The following SLC4A10 variants were observed in gnomAD, a reference collection of about 807,000 sequenced individuals.
SLC4A10 encodes sodium-driven chloride bicarbonate exchanger.
SLC4A10 carries 42 observed loss-of-function variants against 137.7 expected under a neutral mutation model. That is an observed-to-expected ratio of 0.30 (90% CI 0.24 to 0.39). The LOEUF (loss-of-function observed/expected upper bound fraction) is 0.39. Ranked by LOEUF, SLC4A10 falls within the 10% of genes least tolerant of loss-of-function variation. The pLI, the probability that SLC4A10 is intolerant of heterozygous loss-of-function variation, is 1.00. For synonymous variants in SLC4A10, 474 were observed against 464.1 expected, an observed-to-expected ratio of 1.02 and a Z score of -0.27; for missense variants, 925 against 1,355.0, an observed-to-expected ratio of 0.68 and a Z score of 4.98.
chr2:161,660,556 ATTTCTTTC>A (rs574482342), intron 1 of SLC4A10, among the ~76,000 whole-genome samples: 11,505 of 110,060 alleles, frequency 0.1, 584 homozygotes, highest in Admixed American at 0.15. Flanking sequence ...ACTCATCTAT[ATTTCTTTC>A]TTTCTTTCTT....
intron 2 of SLC4A10, among the ~76,000 whole-genome samples, chr2:161,780,104 T>A (rs12692642): frequency 1.3e-5 from 2 of 151,780 alleles, no homozygotes; most frequent in Admixed American, 6.6e-5. Flanking sequence ...ATCCATCATG[T>A]CAGAACAAGA....
At chr2:161,693,237 T>C (rs62189004) in intron 1 of SLC4A10, among the ~76,000 whole-genome samples, 2,711 of 152,220 alleles carry the variant, frequency 0.018, 36 homozygotes, top group Admixed American at 0.028. Flanking sequence ...CTATACAGTT[T>C]GGGTAAACCC....
chr2:161,930,939 A>T (rs4664439), intron 15 of SLC4A10, among the ~76,000 whole-genome samples: 1 of 123,754 alleles, frequency 8.1e-6, no homozygotes, highest in Non-Finnish European at 1.7e-5. Context: ...GTTTTGTTTT[A>T]TTTTGTTTTT....
In SLC4A10 at chr2:161,876,922, A is replaced by G. The variant is rs1660788302; in HGVS notation, c.949-2209A>G. Among the ~76,000 whole-genome samples, 8 of 152,208 alleles carry G rather than the reference A, an allele frequency of 5.3e-5. No individual in the cohort carries two copies. In the South Asian group the frequency reaches 1.7e-3, roughly 32 times the overall value. The stretch of plus-strand genomic sequence containing the variant: ...ACAATGGCTACCCCAGATATGTGCT[A>G]TAGTACTATAACTTATTCCATTTGA... On this transcript the variant is annotated intron_variant, in intron 8 of 26. Transcript: ENST00000446997.
chr2:161,942,043 G>A (rs1412876907), intron 15 of SLC4A10, among the ~76,000 whole-genome samples: 1 of 152,158 alleles, frequency 6.6e-6, no homozygotes, highest in Non-Finnish European at 1.5e-5. Flanking sequence ...GCAGAAGGGA[G>A]ACTGTTGCTT....
At chr2:161,858,396 G>A (rs747715449) in intron 5 of SLC4A10, among the ~76,000 whole-genome samples, 9 of 152,072 alleles carry the variant, frequency 5.9e-5, no homozygotes, top group Non-Finnish European at 1.0e-4. Flanking sequence ...TTTGTATCTG[G>A]CAGATCTGTC....
At chr2:161,846,465 A>C (rs1307013512) in intron 4 of SLC4A10, among the ~76,000 whole-genome samples, 1 of 152,124 alleles carries the variant, frequency 6.6e-6, no homozygotes, top group African/African-American at 2.4e-5. Flanking sequence ...CAGCAATTGG[A>C]CTCTTGGGCA....
chr2:161,748,557 T>A (rs1271953921), intron 1 of SLC4A10, among the ~76,000 whole-genome samples: 1 of 152,030 alleles, frequency 6.6e-6, no homozygotes, highest in Non-Finnish European at 1.5e-5. Flanking sequence ...ACATGGTATC[T>A]TCTTGGTTGC....
chr2:161,648,047 A>G (rs943473834), intron 1 of SLC4A10, among the ~76,000 whole-genome samples: 2 of 152,218 alleles, frequency 1.3e-5, no homozygotes, highest in East Asian at 1.9e-4. Context: ...TCTGTGTTCT[A>G]CATCTGTATG....
intron 1 of SLC4A10, among the ~76,000 whole-genome samples, chr2:161,703,713 G>A (rs2043361362): frequency 6.6e-6 from 1 of 151,652 alleles, no homozygotes; most frequent in African/African-American, 2.4e-5. Flanking sequence ...AATAACTGGA[G>A]TAAAAAGAAG....
chr2:161,903,331 A>G (rs1023761998), intron 12 of SLC4A10, among the ~76,000 whole-genome samples: 1 of 152,214 alleles, frequency 6.6e-6, no homozygotes, highest in African/African-American at 2.4e-5. Flanking sequence ...AATTACATTT[A>G]TCTAGTTTTA....
At chr2:161,723,388 A>G (rs2045900398) in intron 1 of SLC4A10, among the ~76,000 whole-genome samples, 9 of 152,052 alleles carry the variant, frequency 5.9e-5, no homozygotes, top group Admixed American at 5.9e-4. Context: ...GTCAGTCTCA[A>G]TAGGGGAGCC....
intron 19 of SLC4A10, among the ~76,000 whole-genome samples, chr2:161,954,870 A>G (rs1425770921): frequency 6.6e-6 from 1 of 152,238 alleles, no homozygotes; most frequent in East Asian, 1.9e-4. Flanking sequence ...TTTTTAAAAC[A>G]TTCAATAAGA....
chr2:161,712,449 T>C (rs527516692), intron 1 of SLC4A10, among the ~76,000 whole-genome samples: 4 of 151,904 alleles, frequency 2.6e-5, no homozygotes, highest in South Asian at 2.1e-4. Context: ...TTACCTAGCA[T>C]AGATTTAGTG....
chr2:161,812,855 C>T (rs1299078904), intron 3 of SLC4A10, among the ~76,000 whole-genome samples: 1 of 151,918 alleles, frequency 6.6e-6, no homozygotes, highest in Non-Finnish European at 1.5e-5. Flanking sequence ...CTGATTTCTG[C>T]TCTGTATCCT....
At chr2:161,958,255 T>C (rs1161355772) in intron 20 of SLC4A10, among the ~76,000 whole-genome samples, 1 of 152,176 alleles carries the variant, frequency 6.6e-6, no homozygotes, top group Admixed American at 6.6e-5. Context: ...ACCCTATTGT[T>C]ATCATCTCCT....
rs773622022 is a variant in SLC4A10 at position 161,942,790 on chromosome 2, A to G, written c.1998-2A>G. 1 of 1,596,144 alleles carries G rather than the reference A, an allele frequency of 6.3e-7. No homozygotes were observed. Among genetic ancestry groups the G allele is most frequent in the Non-Finnish European group, 8.5e-7 (1 of 1,170,464 alleles). ...ACAAAAGACACTATTTTGCCTTTTCAGGTGTAACTGTGTGGAACCGCATAA... is the reference window on the plus strand; with the variant it reads ...ACAAAAGACACTATTTTGCCTTTTCGGGTGTAACTGTGTGGAACCGCATAA... On this transcript the variant is annotated splice_acceptor_variant, in intron 15 of 26. Transcript: ENST00000446997. LOFTEE classifies it high-confidence loss of function.
At chr2:161,649,863 T>C (rs1182413707) in intron 1 of SLC4A10, among the ~76,000 whole-genome samples, 1 of 152,140 alleles carries the variant, frequency 6.6e-6, no homozygotes, top group East Asian at 1.9e-4. Context: ...TAATAAGCTT[T>C]AAAAACCTGA....
intron 1 of SLC4A10, among the ~76,000 whole-genome samples, chr2:161,707,925 C>T (rs965630514): frequency 2.6e-5 from 4 of 151,152 alleles, no homozygotes; most frequent in South Asian, 2.1e-4. Flanking sequence ...CCTGTATAGG[C>T]GCTCATCATT....
Sources: gnomAD v4.1 joint callset for allele counts (sites outside exome capture counted in the v4.1 genomes callset) on GRCh38, gnomAD v4.1.1 for gene constraint, MANE v1.5 for transcripts, NCBI Gene and HGNC (gene_info 2026-07-23, HGNC 2026-07-21) for gene names.